The following SLC9A9 variants were observed in gnomAD, a reference collection of about 807,000 sequenced individuals.
SLC9A9 encodes sodium/hydrogen exchanger 9.
Under a neutral mutation model 77.8 loss-of-function variants are expected in SLC9A9, and 62 were observed. That is an observed-to-expected ratio of 0.80 (90% confidence interval 0.65 to 0.98). SLC9A9 has a LOEUF of 0.98. SLC9A9 is among the 50% of genes least tolerant of loss of function. The pLI is 0.00. For synonymous variants in SLC9A9, 320 were observed against 283.5 expected (o/e 1.13, Z -1.29); for missense variants, 775 against 774.9 (o/e 1.00, Z 0.00).
At chr3:143,537,067 G>T (rs77125787) in intron 9 of SLC9A9, among the ~76,000 whole-genome samples, 3,188 of 152,222 alleles carry the variant, frequency 0.021, 83 homozygotes, top group East Asian at 0.12. Flanking sequence ...GAACTCACTT[G>T]GACAGTTTGG....
intron 8 of SLC9A9, among the ~76,000 whole-genome samples, chr3:143,558,763 G>C (rs550583419): frequency 1.3e-5 from 2 of 152,144 alleles, no homozygotes; most frequent in African/African-American, 4.8e-5. Flanking sequence ...ATTTGGACTT[G>C]GACTTTTGGG....
intron 4 of SLC9A9, among the ~76,000 whole-genome samples, chr3:143,757,552 C>A (rs899080046): frequency 1.3e-5 from 2 of 152,064 alleles, no homozygotes; most frequent in African/African-American, 4.8e-5. Flanking sequence ...CAGGACTTTC[C>A]TGCTCATTGC....
chr3:143,497,703 T>C (rs1303470530), intron 9 of SLC9A9, among the ~76,000 whole-genome samples: 1 of 152,224 alleles, frequency 6.6e-6, no homozygotes, highest in African/African-American at 2.4e-5. Context: ...ATTGAAGAGA[T>C]CACGAAATCA....
intron 1 of SLC9A9, among the ~76,000 whole-genome samples, chr3:143,836,395 C>G (rs920430617): frequency 2.0e-5 from 3 of 152,222 alleles, no homozygotes; most frequent in Admixed American, 6.5e-5. Flanking sequence ...TGTAGCCCAA[C>G]TTTCTCCAAG....
At position 143,607,983 on chromosome 3, in the gene SLC9A9, T is replaced by G. The variant is rs138925781; in HGVS notation, c.756-29260A>C. Among the ~76,000 whole-genome samples the G allele has an allele frequency of 2.6e-3, 397 of 152,100 alleles. 3 individuals are homozygous for G. The highest frequency in any genetic ancestry group is 0.014 in the Middle Eastern group (4 of 294). The stretch of plus-strand genomic sequence containing the variant: ...TATTCACATGGCATTTTTGGAATAC[T>G]GAAAAAATGACAACACCTCAAAGGT... On this transcript the variant is annotated intron_variant, in intron 6 of 15. Coordinates refer to ENST00000316549, the MANE Select transcript of SLC9A9 (RefSeq NM_173653.4).
chr3:143,659,202 A>G (rs2038942637), intron 5 of SLC9A9, among the ~76,000 whole-genome samples: 1 of 152,144 alleles, frequency 6.6e-6, no homozygotes, highest in Non-Finnish European at 1.5e-5. Context: ...TCATGAAAAA[A>G]CATTAAAAAA....
intron 6 of SLC9A9, among the ~76,000 whole-genome samples, chr3:143,606,432 CTCTCTATATATATATA>C (rs1371387348): frequency 6.8e-5 from 4 of 58,700 alleles, no homozygotes; most frequent in African/African-American, 2.7e-4. Flanking sequence ...CTCTCTCTCT[CTCTCTATATATATATA>C]TATATATATA....
At chr3:143,540,431 T>TA (rs2036668406) in intron 9 of SLC9A9, among the ~76,000 whole-genome samples, 1 of 151,904 alleles carries the variant, frequency 6.6e-6, no homozygotes, top group South Asian at 2.1e-4. Context: ...AGCAGGGAAA[T>TA]AAAAAAATGG....
At chr3:143,822,332 A>T (rs1175011229) in intron 2 of SLC9A9, among the ~76,000 whole-genome samples, 1 of 152,214 alleles carries the variant, frequency 6.6e-6, no homozygotes, top group East Asian at 1.9e-4. Flanking sequence ...ATCATATGAC[A>T]GTTAGAAAGA....
rs529459943 is a variant in SLC9A9 at position 143,693,042 on chromosome 3, T to G, written c.649+150A>C. 4.0e-5 allele frequency: 26 copies of G among 652,058 alleles called. No homozygotes were observed. In the East Asian group the frequency reaches 6.9e-4, roughly 17 times the overall value. 40.4% of individuals were successfully genotyped at this position (652,058 alleles called of 1,614,324 possible). A position where few individuals can be genotyped will look rare whatever the true frequency, so the allele number is the denominator to read the frequency against. ...ACTATCAAAATATTCCCCTTTTCTT[T>G]TCTTTTGTAATTACTAACAGATATG... On this transcript the variant is annotated intron_variant, in intron 5 of 15. Transcript: ENST00000316549.
intron 4 of SLC9A9, among the ~76,000 whole-genome samples, chr3:143,700,861 G>C (rs1177339784): frequency 6.6e-6 from 1 of 152,248 alleles, no homozygotes; most frequent in Non-Finnish European, 1.5e-5. Context: ...ACCCAGTGCT[G>C]TGCTGGCTTC....
chr3:143,374,551 T>C (rs2033136540), intron 13 of SLC9A9, among the ~76,000 whole-genome samples: 1 of 151,428 alleles, frequency 6.6e-6, no homozygotes, highest in Admixed American at 6.6e-5. Context: ...GAAAAGCATA[T>C]TAAGCACTAT....
chr3:143,271,359 C>G (rs912988167), intron 14 of SLC9A9, among the ~76,000 whole-genome samples: 21 of 152,196 alleles, frequency 1.4e-4, no homozygotes, highest in Non-Finnish European at 2.2e-4. Context: ...AGCCCTGCCA[C>G]TTTACTGACC....
At chr3:143,615,284 A>T (rs370268228) in intron 6 of SLC9A9, among the ~76,000 whole-genome samples, 1 of 152,212 alleles carries the variant, frequency 6.6e-6, no homozygotes, top group Non-Finnish European at 1.5e-5. Flanking sequence ...TGAGCCTTAC[A>T]ACAAAGCCTA....
intron 4 of SLC9A9, among the ~76,000 whole-genome samples, chr3:143,767,816 T>C (rs2007375506): frequency 6.6e-6 from 1 of 152,216 alleles, no homozygotes; most frequent in African/African-American, 2.4e-5. Flanking sequence ...ATGCCCTTTT[T>C]CCATCTTATA....
chr3:143,647,008 A>G (rs1394726257), intron 6 of SLC9A9, among the ~76,000 whole-genome samples: 1 of 152,158 alleles, frequency 6.6e-6, no homozygotes, highest in Non-Finnish European at 1.5e-5. Flanking sequence ...AACTATTTAT[A>G]TCATTTGTCC....
At chr3:143,553,626 T>C (rs1234090454) in intron 8 of SLC9A9, among the ~76,000 whole-genome samples, 2 of 152,232 alleles carry the variant, frequency 1.3e-5, no homozygotes, top group African/African-American at 2.4e-5. Context: ...TACATGTTGG[T>C]TATTTTTCAG....
chr3:143,655,593 TA>T, intron 5 of SLC9A9: 1 of 985,182 alleles, frequency 1.0e-6, no homozygotes. Context: ...ATGTTGTAGC[TA>T]GAGAAAAATT....
At chr3:143,491,593 T>C (rs1303206735) in intron 11 of SLC9A9, among the ~76,000 whole-genome samples, 3 of 152,190 alleles carry the variant, frequency 2.0e-5, no homozygotes, top group Non-Finnish European at 2.9e-5. Flanking sequence ...CATCATATTA[T>C]TGGCCTCTAC....
Sources: allele counts gnomAD v4.1 joint callset (sites outside exome capture counted in the v4.1 genomes callset), GRCh38; gene constraint gnomAD v4.1.1; transcripts MANE v1.5; gene names NCBI Gene and HGNC (gene_info 2026-07-23, HGNC 2026-07-21).